PRDM16: variants seen among roughly 807,000 people sequenced by gnomAD.
PRDM16 encodes PR/SET domain 16.
A neutral mutation model predicts 110.6 loss-of-function variants in PRDM16; 23 were observed. That is an observed-to-expected ratio of 0.21 (90% confidence interval 0.15 to 0.29). The LOEUF is 0.29. Ranked by LOEUF, PRDM16 falls within the 10% of genes least tolerant of loss-of-function variation. PRDM16 has a pLI of 1.00. For missense variants in PRDM16, 1,615 were observed against 1,794.3 expected (o/e 0.90, Z 1.81); for synonymous variants, 799 against 781.8 (o/e 1.02, Z -0.37).
chr1:3,335,922 G>A (rs1444169317), intron 3 of PRDM16, among the ~76,000 whole-genome samples: 2 of 152,202 alleles, frequency 1.3e-5, no homozygotes, highest in African/African-American at 4.8e-5. Flanking sequence ...GCCCAGCCCT[G>A]CTCGCTCTCT....
At chr1:3,269,591 C>T (rs113327556) in intron 3 of PRDM16, among the ~76,000 whole-genome samples, 7,261 of 137,452 alleles carry the variant, frequency 0.053, 741 homozygotes, top group African/African-American at 0.19. Flanking sequence ...GGAGGACAGT[C>T]GGGAGGAGGA....
chr1:3,264,983 G>A (rs1374280981), intron 3 of PRDM16, among the ~76,000 whole-genome samples: 2 of 152,032 alleles, frequency 1.3e-5, no homozygotes, highest in Non-Finnish European at 2.9e-5. Flanking sequence ...GATATCAGAG[G>A]AGGGGTCAAG....
At chr1:3,432,620 AG>A (rs1481199677) in intron 16 of PRDM16, among the ~76,000 whole-genome samples, 33 of 152,248 alleles carry the variant, frequency 2.2e-4, no homozygotes, top group Admixed American at 2.1e-3. Context: ...TTCTCTCCTC[AG>A]GGTAGGTGGC....
In PRDM16 at chr1:3,166,577, C is replaced by T. The variant is rs78650379; in HGVS notation, c.38-19548C>T. Among the ~76,000 whole-genome samples, 569 of 152,340 alleles carry T rather than the reference C, an allele frequency of 3.7e-3. 3 individuals are homozygous for T. Among genetic ancestry groups the T allele is most frequent in the African/African-American group, 0.013 (528 of 41,574 alleles). ...CTGGCCTCAAAAGAGAAAGTGCTCACGAAGGGGACAGTCCCTCGCATCGCC... is the reference window on the plus strand; with the variant it reads ...CTGGCCTCAAAAGAGAAAGTGCTCATGAAGGGGACAGTCCCTCGCATCGCC... On this transcript the variant is annotated intron_variant, in intron 1 of 16. Coordinates refer to ENST00000270722, the MANE Select transcript of PRDM16 (RefSeq NM_022114.4).
Position 3,431,520 on chromosome 1 carries a change from C to G in PRDM16, c.3521+412C>G, listed in dbSNP as rs559707078. Among the ~76,000 whole-genome samples the G allele has an allele frequency of 1.4e-3, 210 of 152,364 alleles. 1 individual carries two copies. The highest frequency in any genetic ancestry group is 3.4e-3 in the Middle Eastern group (1 of 294). The stretch of plus-strand genomic sequence containing the variant: ...GCCACTTCCCCATGTCCTCAGTGTT[C>G]GCCACCAATATCGGGCCTGGGCGAC... On this transcript the variant is annotated intron_variant, in intron 15 of 16. Coordinates refer to ENST00000270722, the MANE Select transcript of PRDM16 (RefSeq NM_022114.4).
rs574622533 is a variant in PRDM16 at position 3,121,148 on chromosome 1, C to T, written c.37+51852C>T. 1.9e-4 allele frequency among the ~76,000 whole-genome samples: 29 copies of T among 152,266 alleles called. No homozygotes were observed. In the South Asian group the frequency reaches 5.2e-3, roughly 27 times the overall value. ...GGCTGAGGCCAGAGGACAGCTTGCC[C>T]GTCACGGAGCCCGCAGGTCACAGGA... On this transcript the variant is annotated intron_variant, in intron 1 of 16. Coordinates refer to ENST00000270722, the MANE Select transcript of PRDM16 (RefSeq NM_022114.4).
intron 1 of PRDM16, among the ~76,000 whole-genome samples, chr1:3,075,966 A>G (rs1410225445): frequency 2.0e-5 from 3 of 152,184 alleles, no homozygotes. Context: ...GTCACGCACT[A>G]GGCTTGACCA....
chr1:3,098,006 A>G (rs948073868), intron 1 of PRDM16, among the ~76,000 whole-genome samples: 2 of 152,064 alleles, frequency 1.3e-5, no homozygotes, highest in African/African-American at 2.4e-5. Flanking sequence ...CAGGTGTCCA[A>G]TGGTGCTCCT....
intron 3 of PRDM16, among the ~76,000 whole-genome samples, chr1:3,266,817 A>G (rs1365391282): frequency 6.6e-6 from 1 of 152,144 alleles, no homozygotes; most frequent in African/African-American, 2.4e-5. Flanking sequence ...CTGGGATTAC[A>G]GGCAACCGCC....
intron 1 of PRDM16, among the ~76,000 whole-genome samples, chr1:3,121,639 T>C (rs1159071379): frequency 6.6e-6 from 1 of 152,052 alleles, no homozygotes; most frequent in Non-Finnish European, 1.5e-5. Context: ...GAGAAACAGA[T>C]GTGAGGCTGT....
chr1:3,393,768 G>A (rs1643335777), intron 4 of PRDM16, among the ~76,000 whole-genome samples: 1 of 152,214 alleles, frequency 6.6e-6, no homozygotes, highest in Admixed American at 6.5e-5. Context: ...GCAAGGGCGG[G>A]GCCGGCGAGT....
rs1640892966 is a variant in PRDM16, at chr1:3,287,875, C to G, written c.438+43738C>G. ...ACGCGGGCATCCAGGATTGCATTTACCGGGGCTGGAGCCGCCCCCTGCATG... is the reference window on the plus strand; with the variant it reads ...ACGCGGGCATCCAGGATTGCATTTAGCGGGGCTGGAGCCGCCCCCTGCATG... On this transcript the variant is annotated intron_variant, in intron 3 of 16. Transcript: ENST00000270722. Among the ~76,000 whole-genome samples, 3 of 152,358 alleles carry G rather than the reference C, an allele frequency of 2.0e-5. No homozygotes were observed. In the South Asian group the frequency reaches 6.2e-4, roughly 32 times the overall value.
chr1:3,259,631 G>C (rs1013060788), intron 3 of PRDM16, among the ~76,000 whole-genome samples: 1 of 152,238 alleles, frequency 6.6e-6, no homozygotes, highest in African/African-American at 2.4e-5. Context: ...TGAACAGGAG[G>C]CTGGGGCAAG....
chr1:3,267,182 T>C (rs531673845), intron 3 of PRDM16, among the ~76,000 whole-genome samples: 2 of 152,312 alleles, frequency 1.3e-5, no homozygotes, highest in South Asian at 4.1e-4. Context: ...CCATCCCCTC[T>C]CTTCCAGCCC....
At chr1:3,203,479 C>T (rs1478236657) in intron 2 of PRDM16, among the ~76,000 whole-genome samples, 1 of 152,162 alleles carries the variant, frequency 6.6e-6, no homozygotes, top group Admixed American at 6.5e-5. Flanking sequence ...TGCTGCATGG[C>T]CTGCCTATGA....
At chr1:3,158,632 T>C (rs1643875338) in intron 1 of PRDM16, among the ~76,000 whole-genome samples, 1 of 152,042 alleles carries the variant, frequency 6.6e-6, no homozygotes, top group South Asian at 2.1e-4. Flanking sequence ...ACTGAGCTGA[T>C]GGGTTTGTTG....
chr1:3,380,971 T>A (rs1178468895), intron 3 of PRDM16, among the ~76,000 whole-genome samples: 1 of 152,152 alleles, frequency 6.6e-6, no homozygotes, highest in African/African-American at 2.4e-5. Flanking sequence ...ATCACAGGCA[T>A]TGAGGAGGCC....
In PRDM16 at chr1:3,419,985, G is replaced by T. The variant is rs557359390; in HGVS notation, c.2939+1241G>T. ...ACTTAACAAAGGCTAGCAGCAGAAA[G>T]ATTTATTTGGTCTGGTCCCCTCCCA... is the stretch of plus-strand genomic sequence containing the variant. On this transcript the variant is annotated intron_variant, in intron 12 of 16. Transcript: ENST00000270722. 7.2e-5 allele frequency among the ~76,000 whole-genome samples: 11 copies of T among 151,818 alleles called. No homozygotes were observed. The East Asian group carries it at 2.1e-3, about 30-fold the overall frequency.
intron 2 of PRDM16, among the ~76,000 whole-genome samples, chr1:3,242,134 C>T (rs1639687662): frequency 6.6e-6 from 1 of 152,198 alleles, no homozygotes; most frequent in South Asian, 2.1e-4. Context: ...CCCCTGTGGG[C>T]TCTGGGTGGG....
Sources: gnomAD v4.1 joint callset for allele counts (sites outside exome capture counted in the v4.1 genomes callset) on GRCh38, gnomAD v4.1.1 for gene constraint, MANE v1.5 for transcripts, NCBI Gene and HGNC (gene_info 2026-07-23, HGNC 2026-07-21) for gene names.